BAZ1A: variants seen among roughly 807,000 people sequenced by gnomAD.
The protein encoded by BAZ1A is bromodomain adjacent to zinc finger domain protein 1A.
BAZ1A carries 50 observed loss-of-function variants against 185.2 expected under a neutral mutation model. The observed-to-expected ratio is 0.27, with a 90% CI of 0.22 to 0.34. The LOEUF is 0.34. Ranked by LOEUF, BAZ1A falls within the 10% of genes least tolerant of loss-of-function variation. BAZ1A has a pLI of 1.00. For synonymous variants in BAZ1A, 571 were observed against 615.6 expected (o/e 0.93, Z 1.07); for missense variants, 1,356 against 1,839.9 (o/e 0.74, Z 4.81).
At chr14:34,775,119 G>C (rs553767800) in intron 18 of BAZ1A, among the ~76,000 whole-genome samples, 124 of 151,914 alleles carry the variant, frequency 8.2e-4, no homozygotes, top group African/African-American at 2.9e-3. Flanking sequence ...GGGAGGCTGA[G>C]ACAGGAGATG....
At chr14:34,816,821 G>A (rs911008915) in intron 4 of BAZ1A, 2 of 448,318 alleles carry the variant, frequency 4.5e-6, no homozygotes, top group African/African-American at 4.0e-5. Context: ...TGTGATTGTA[G>A]ATCAACTTCA....
intron 25 of BAZ1A, among the ~76,000 whole-genome samples, chr14:34,757,963 G>A (rs550744336): frequency 2.8e-4 from 43 of 151,180 alleles, no homozygotes; most frequent in Middle Eastern, 6.8e-3. Flanking sequence ...TAGCCAGGAT[G>A]GTCTTGATCT....
intron 3 of BAZ1A, among the ~76,000 whole-genome samples, chr14:34,845,554 G>GT (rs1185954741): frequency 6.6e-6 from 1 of 152,074 alleles, no homozygotes; most frequent in African/African-American, 2.4e-5. Flanking sequence ...TATGAGAAAA[G>GT]TTTTTTATTA....
Position 34,874,826 on chromosome 14 carries a change from C to A in BAZ1A, c.-58-164G>T. ...TTCCTGCCGCTGCCCGGGTGTCGAG[C>A]GAGCGGAGCCGCCGCCGCCCCTGCC... is the stretch of plus-strand genomic sequence containing the variant. On this transcript the variant is annotated intron_variant, in intron 1 of 26. Transcript: ENST00000360310. This position sits in a 1 kb window ranked among gnomAD's most constrained non-coding sequence, Gnocchi z 4.7. 2 of 448,480 alleles carry A rather than the reference C, an allele frequency of 4.5e-6. No individual in the cohort carries two copies. The highest frequency in any genetic ancestry group is 6.3e-5 in the South Asian group (2 of 31,872). 27.8% of individuals were successfully genotyped at this position (448,480 alleles called of 1,614,324 possible).
At chr14:34,818,457 AG>A (rs1032323780) in intron 4 of BAZ1A, among the ~76,000 whole-genome samples, 14 of 152,228 alleles carry the variant, frequency 9.2e-5, no homozygotes, top group Non-Finnish European at 1.2e-4. Flanking sequence ...AATAGTTAAA[AG>A]GGCATTAAAT....
chr14:34,874,458 C>A lies in BAZ1A; in HGVS notation c.113+34G>T. On this transcript the variant is annotated intron_variant, in intron 2 of 26. Coordinates refer to ENST00000360310, the MANE Select transcript of BAZ1A (RefSeq NM_013448.3). The surrounding 1 kb of genome is among the most constrained non-coding windows in gnomAD (Gnocchi z 4.7). ...GAGCGCTGCGGGGGGAGTCCCCACACCCCCCGCGGCCCCGCACACGGCCCG... is the reference window on the plus strand; with the variant it reads ...GAGCGCTGCGGGGGGAGTCCCCACAACCCCCGCGGCCCCGCACACGGCCCG... The A allele has an allele frequency of 6.4e-7, 1 of 1,565,438 alleles. No homozygotes were observed. The highest frequency in any genetic ancestry group is 8.8e-7 in the Non-Finnish European group (1 of 1,137,744).
intron 25 of BAZ1A, among the ~76,000 whole-genome samples, chr14:34,755,534 T>G (rs892498125): frequency 6.6e-6 from 1 of 152,298 alleles, no homozygotes; most frequent in Non-Finnish European, 1.5e-5. Flanking sequence ...TTACTGCATT[T>G]CTTAGTGTTG....
intron 2 of BAZ1A, among the ~76,000 whole-genome samples, chr14:34,865,235 G>C (rs1479343002): frequency 6.6e-6 from 1 of 151,978 alleles, no homozygotes; most frequent in Admixed American, 6.6e-5. Context: ...GTAAGAGTGA[G>C]ACTGTCTGAA....
intron 3 of BAZ1A, among the ~76,000 whole-genome samples, chr14:34,841,257 A>G (rs973637252): frequency 2.6e-5 from 4 of 152,212 alleles, no homozygotes; most frequent in African/African-American, 9.7e-5. Context: ...GAAAACTAAA[A>G]TGTAAACATC....
At chr14:34,763,676 AT>A (rs1878596723) in intron 23 of BAZ1A, among the ~76,000 whole-genome samples, 1 of 152,178 alleles carries the variant, frequency 6.6e-6, no homozygotes, top group African/African-American at 2.4e-5. Context: ...TATTGGCATA[AT>A]TTTTCCAACA....
rs772747853 is a variant in BAZ1A, at chr14:34,762,110, C to T, written c.3890G>A (p.Arg1297Lys). The change falls in exon 24 of 27, where the codon AGG becomes AAG. Residue 1297 changes from arginine (R) to lysine (K), a missense_variant. Arg to Lys is a conservative substitution (Grantham distance 26). Transcript: ENST00000360310. ...QQQEPGRYPS[R>K]SQQSTPKTTV... ...TGTTTTGGGTGTGCTCTGCTGACTCCTTGAAGGGTATCTTCCAGGTTCTTG... is the reference window on the plus strand; with the variant it reads ...TGTTTTGGGTGTGCTCTGCTGACTCTTTGAAGGGTATCTTCCAGGTTCTTG... The T allele has an allele frequency of 1.9e-6, 3 of 1,614,180 alleles. No homozygotes were observed. The highest frequency in any genetic ancestry group is 1.1e-5 in the South Asian group (1 of 91,082).
intron 2 of BAZ1A, among the ~76,000 whole-genome samples, chr14:34,864,061 T>C (rs549269594): frequency 6.6e-6 from 1 of 152,148 alleles, no homozygotes; most frequent in South Asian, 2.1e-4. Context: ...GGGCTCAAGC[T>C]ATCTTCCCAC....
At chr14:34,755,341 ATTCTGATGATGTCAC>A (rs1886194442) in intron 25 of BAZ1A, among the ~76,000 whole-genome samples, 1 of 152,192 alleles carries the variant, frequency 6.6e-6, no homozygotes, top group Non-Finnish European at 1.5e-5. Context: ...TCAAAGTAGA[ATTCTGATGATGTCAC>A]TTCTTCATTC....
At chr14:34,761,552 T>C (rs892528894) in intron 24 of BAZ1A, among the ~76,000 whole-genome samples, 3 of 152,210 alleles carry the variant, frequency 2.0e-5, no homozygotes, top group South Asian at 4.1e-4. Flanking sequence ...ATTACCCTGC[T>C]TCACTAGTAG....
chr14:34,798,426 G>A (rs1252410147), intron 9 of BAZ1A, among the ~76,000 whole-genome samples: 1 of 152,166 alleles, frequency 6.6e-6, no homozygotes, highest in Non-Finnish European at 1.5e-5. Flanking sequence ...TCCCAGTAGG[G>A]GCCAACTGAC....
At chr14:34,863,246 C>T (rs533641893) in intron 2 of BAZ1A, among the ~76,000 whole-genome samples, 1 of 145,618 alleles carries the variant, frequency 6.9e-6, no homozygotes, top group East Asian at 2.1e-4. Context: ...CTCACCACAA[C>T]CTCTGCCTCC....
At chr14:34,829,377 T>C (rs768279325) in intron 3 of BAZ1A, among the ~76,000 whole-genome samples, 1 of 150,588 alleles carries the variant, frequency 6.6e-6, no homozygotes, top group Non-Finnish European at 1.5e-5. Context: ...GGTGACTGAG[T>C]GAGACTATCT....
At chr14:34,757,552 C>A (rs557643936) in intron 25 of BAZ1A, among the ~76,000 whole-genome samples, 20 of 151,488 alleles carry the variant, frequency 1.3e-4, no homozygotes, top group African/African-American at 3.6e-4. Flanking sequence ...GTAATCCCAG[C>A]TACTTGGGAG....
At chr14:34,794,164 T>A (rs552236899) in intron 11 of BAZ1A, among the ~76,000 whole-genome samples, 44 of 152,196 alleles carry the variant, frequency 2.9e-4, no homozygotes, top group Non-Finnish European at 5.6e-4. Flanking sequence ...TATAATTCTC[T>A]ATTTCAAAGT....
Sources: gnomAD v4.1 joint callset for allele counts (sites outside exome capture counted in the v4.1 genomes callset) on GRCh38, gnomAD v4.1.1 for gene constraint, Gnocchi (gnomAD v3.1) non-coding constraint, MANE v1.5 for transcripts, NCBI Gene and HGNC (gene_info 2026-07-23, HGNC 2026-07-21) for gene names.